Variants in BMAL1 observed in about 807,000 individuals in gnomAD.
BMAL1 encodes the protein basic helix-loop-helix ARNT-like protein 1.
the BMAL1 span, among the ~76,000 whole-genome samples, chr11:13,335,774 T>C: frequency 6.6e-6 from 1 of 152,244 alleles, no homozygotes; most frequent in South Asian, 2.1e-4. Context: ...CATATATCTT[T>C]CATGATGTTT....
At chr11:13,376,979 C>T in the BMAL1 span, among the ~76,000 whole-genome samples, 2 of 152,304 alleles carry the variant, frequency 1.3e-5, no homozygotes, top group South Asian at 2.1e-4. Flanking sequence ...CCCTTGAGCT[C>T]GCAAACTCCC....
chr11:13,299,137 G>A, the BMAL1 span, among the ~76,000 whole-genome samples: 2 of 152,200 alleles, frequency 1.3e-5, no homozygotes, highest in Non-Finnish European at 2.9e-5. Flanking sequence ...CTCCCAAGGG[G>A]TGTCAAGGGA....
At chr11:13,375,837 G>C in the BMAL1 span, 4 of 1,405,398 alleles carry the variant, frequency 2.8e-6, no homozygotes, top group Non-Finnish European at 3.8e-6. Context: ...GGGAAATGGG[G>C]TGCAGGCAAC....
the BMAL1 span, among the ~76,000 whole-genome samples, chr11:13,330,618 A>C: frequency 5.9e-5 from 9 of 152,246 alleles, no homozygotes; most frequent in African/African-American, 2.2e-4. Flanking sequence ...AATTATTGGC[A>C]AGTGGGTGCT....
chr11:13,374,752 G>A, the BMAL1 span, among the ~76,000 whole-genome samples: 1 of 152,116 alleles, frequency 6.6e-6, no homozygotes, highest in Admixed American at 6.5e-5. Context: ...CTCACCCCCA[G>A]TTCATCTTCC....
At chr11:13,286,322 C>A in the BMAL1 span, among the ~76,000 whole-genome samples, 1 of 152,274 alleles carries the variant, frequency 6.6e-6, no homozygotes, top group East Asian at 1.9e-4. Context: ...TACCTTTATA[C>A]CTTTAAGATT....
At chr11:13,286,229 G>A in the BMAL1 span, among the ~76,000 whole-genome samples, 1 of 152,206 alleles carries the variant, frequency 6.6e-6, no homozygotes, top group Admixed American at 6.5e-5. Context: ...CTCATTTGCT[G>A]TTAGCAATCA....
the BMAL1 span, among the ~76,000 whole-genome samples, chr11:13,316,550 T>A: frequency 6.6e-6 from 1 of 152,132 alleles, no homozygotes; most frequent in Non-Finnish European, 1.5e-5. Flanking sequence ...TGTTATGACT[T>A]CCCAGACCTC....
At chr11:13,357,229 G>A in the BMAL1 span, 2 of 1,333,094 alleles carry the variant, frequency 1.5e-6, no homozygotes, top group Non-Finnish European at 2.0e-6. The surrounding 1 kb of genome is among the most constrained non-coding windows in gnomAD (Gnocchi z 4.8). Context: ...GGAATAGGCA[G>A]GTAGTGGGCC....
the BMAL1 span, among the ~76,000 whole-genome samples, chr11:13,290,694 G>T: frequency 1.3e-5 from 2 of 151,986 alleles, no homozygotes; most frequent in African/African-American, 4.8e-5. Flanking sequence ...CATATAAGGT[G>T]GGTAATGTCA....
At chr11:13,380,406 A>G in the BMAL1 span, 1 of 152,232 alleles carries the variant, frequency 6.6e-6, no homozygotes, top group Non-Finnish European at 1.5e-5. Flanking sequence ...TGGTTACACA[A>G]CTGCCATCAC....
At chr11:13,350,791 G>A in the BMAL1 span, among the ~76,000 whole-genome samples, 2 of 152,104 alleles carry the variant, frequency 1.3e-5, no homozygotes, top group Non-Finnish European at 2.9e-5. Flanking sequence ...ATATTATTTT[G>A]GGTAAGAAAA....
the BMAL1 span, among the ~76,000 whole-genome samples, chr11:13,334,608 A>G: frequency 6.6e-6 from 1 of 151,638 alleles, no homozygotes; most frequent in Non-Finnish European, 1.5e-5. Context: ...TTATGGCCAG[A>G]AAGTAGAAGG....
At chr11:13,369,759 AG>A in the BMAL1 span, 1 of 1,608,560 alleles carries the variant, frequency 6.2e-7, no homozygotes, top group Non-Finnish European at 8.5e-7. Context: ...ACCTGCTCAA[AG>A]AAAAAAGGTA....
chr11:13,386,457 G>A, the BMAL1 span: 5 of 868,618 alleles, frequency 5.8e-6, no homozygotes, highest in South Asian at 1.1e-4. Flanking sequence ...AAAAAAGATA[G>A]CCATGCAGCC....
At chr11:13,297,037 C>G in the BMAL1 span, among the ~76,000 whole-genome samples, 1 of 152,228 alleles carries the variant, frequency 6.6e-6, no homozygotes, top group Non-Finnish European at 1.5e-5. Flanking sequence ...CCAGGTGTCT[C>G]TGCAGCCCTC....
At chr11:13,284,254 ATATATATATATATTT>A in the BMAL1 span, among the ~76,000 whole-genome samples, 391 of 25,688 alleles carry the variant, frequency 0.015, 51 homozygotes, top group African/African-American at 0.059. Context: ...ATATATATAT[ATATATATATATATTT>A]TTTTTTTTAA....
the BMAL1 span, among the ~76,000 whole-genome samples, chr11:13,291,457 C>A: frequency 6.6e-6 from 1 of 152,162 alleles, no homozygotes; most frequent in Non-Finnish European, 1.5e-5. Flanking sequence ...GAGTTTGAAG[C>A]TGTTGTCAGT....
At chr11:13,278,636 C>T in the BMAL1 span, among the ~76,000 whole-genome samples, 2 of 152,186 alleles carry the variant, frequency 1.3e-5, no homozygotes, top group Non-Finnish European at 1.5e-5. Flanking sequence ...TTTCGTGGGG[C>T]CTGTGCCGTC....
Sources: allele counts gnomAD v4.1 joint callset (sites outside exome capture counted in the v4.1 genomes callset), GRCh38; gene constraint gnomAD v4.1.1; non-coding constraint Gnocchi (gnomAD v3.1); transcripts MANE v1.5; gene names NCBI Gene and HGNC (gene_info 2026-07-23, HGNC 2026-07-21).